ZNF66: variants seen among roughly 807,000 people sequenced by gnomAD.
ZNF66 encodes zinc finger protein 66.
ZNF66 carries 32 observed loss-of-function variants against 35.2 expected under a neutral mutation model. The ratio of observed to expected loss-of-function variants is 0.91; its 90% CI spans 0.69 to 1.22. The LOEUF is 1.22. Among genes scored for constraint, ZNF66 ranks in the 50% most tolerant of loss-of-function variants. The probability of loss-of-function intolerance (pLI) is 0.00; values close to 1 mark genes in which losing one functional copy is unlikely to be tolerated. For synonymous variants in ZNF66, 231 were observed against 181.3 expected, an observed-to-expected ratio of 1.27 and a Z score of -2.20; for missense variants, 666 against 543.1, an observed-to-expected ratio of 1.23 and a Z score of -2.25.
intron 1 of ZNF66, among the ~76,000 whole-genome samples, chr19:20,790,745 T>TA (rs112674673): frequency 0.12 from 14,039 of 121,726 alleles, 655 homozygotes; most frequent in Middle Eastern, 0.13. Context: ...AAGGAGGAGA[T>TA]CAGAAAGAGA....
chr19:20,804,866 A>G (rs1971484518), intron 3 of ZNF66, among the ~76,000 whole-genome samples: 1 of 152,134 alleles, frequency 6.6e-6, no homozygotes, highest in Non-Finnish European at 1.5e-5. Flanking sequence ...ATAATCAGTA[A>G]TCACTTGCTA....
intron 1 of ZNF66, among the ~76,000 whole-genome samples, chr19:20,788,239 C>T (rs1387338215): frequency 6.6e-6 from 1 of 152,102 alleles, no homozygotes; most frequent in Admixed American, 6.5e-5. Flanking sequence ...AGTCATGGTT[C>T]CTACAGTCCA....
chr19:20,806,488 C>T lies in ZNF66; in HGVS notation c.888C>T (p.Tyr296=), dbSNP rs749533356. 4 of 1,516,256 alleles carry T rather than the reference C, an allele frequency of 2.6e-6. No individual in the cohort carries two copies. The highest frequency in any genetic ancestry group is 2.7e-6 in the Non-Finnish European group (3 of 1,092,796). The allele number at this position is 1,516,256 out of a possible 1,614,324, so 93.9% of individuals were successfully genotyped here. Residue 296 remains tyrosine, a synonymous_variant, in exon 4 of 4, where the codon TAC becomes TAT. Transcript: ENST00000344519. ...KCEECGKVFK[Y]LSSLSTHKII... ...AAGAATGTGGCAAAGTTTTTAAGTA[C>T]CTTTCTTCCCTTTCTACACATAAGA... is the stretch of plus-strand genomic sequence containing the variant.
intron 3 of ZNF66, among the ~76,000 whole-genome samples, chr19:20,797,026 T>C (rs572631821): frequency 6.6e-6 from 1 of 152,038 alleles, no homozygotes; most frequent in East Asian, 1.9e-4. Context: ...AATTTTTGTA[T>C]TTTTAGTAGA....
chr19:20,793,880 T>C lies in ZNF66; in HGVS notation c.226+2T>C, dbSNP rs759609856. 4.4e-6 allele frequency: 5 copies of C among 1,148,796 alleles called. No individual in the cohort carries two copies. The highest frequency in any genetic ancestry group is 6.1e-6 in the Non-Finnish European group (5 of 818,492). 71.2% of individuals were successfully genotyped at this position (1,148,796 alleles called of 1,614,324 possible). A position where few individuals can be genotyped will look rare whatever the true frequency, so the allele number is the denominator to read the frequency against. Reference sequence around the variant, plus strand: ...ATGAGATGGTAGCCAACCCCTCAGGTAGGTGTGAGTGAAAATGAATACAAC... The same window carrying C: ...ATGAGATGGTAGCCAACCCCTCAGGCAGGTGTGAGTGAAAATGAATACAAC... On this transcript the variant is annotated splice_donor_variant, in intron 3 of 3. Coordinates refer to ENST00000344519, the MANE Select transcript of ZNF66 (RefSeq NM_001355197.2). LOFTEE classifies it high-confidence loss of function.
rs563557571 is a variant in ZNF66 at position 20,807,448 on chromosome 19, C to T, written c.*126C>T. On this transcript the variant is annotated 3_prime_UTR_variant, in exon 4 of 4. Transcript: ENST00000344519. ...ACTAAATATGAGAATTTATGGAACA[C>T]AAACACTACAAATATAAAGAATGTG... 11 of 542,284 alleles carry T rather than the reference C, an allele frequency of 2.0e-5. No individual in the cohort carries two copies. The highest frequency in any genetic ancestry group is 3.3e-5 in the Non-Finnish European group (10 of 306,754). 33.6% of individuals were successfully genotyped at this position (542,284 alleles called of 1,614,324 possible).
chr19:20,784,570 G>A (rs1302055864), intron 1 of ZNF66: 3 of 152,088 alleles, frequency 2.0e-5, no homozygotes, highest in Admixed American at 1.3e-4. Context: ...TCCACTATAC[G>A]AACACAATCA....
intron 2 of ZNF66, among the ~76,000 whole-genome samples, chr19:20,793,366 T>C (rs1039441319): frequency 7.3e-6 from 1 of 136,404 alleles, no homozygotes; most frequent in African/African-American, 2.7e-5. Flanking sequence ...AGTCTCACTC[T>C]GTTCCCCAGG....
rs1568496804 is a variant in ZNF66 at position 20,793,316 on chromosome 19, TC to T, written c.131-466del. Reference sequence around the variant, plus strand: ...GAAAGTATTTTCTTTTCTTTTCTTTTCTTTTCTTTTCTTTTCTTTTTTTTTT... The same window carrying T: ...GAAAGTATTTTCTTTTCTTTTCTTTTTTTTCTTTTCTTTTCTTTTTTTTTT... On this transcript the variant is annotated intron_variant, in intron 2 of 3. Transcript: ENST00000344519. 6.5e-4 allele frequency among the ~76,000 whole-genome samples: 51 copies of T among 78,202 alleles called. No individual in the cohort carries two copies. The South Asian group carries it at 8.0e-3, about 12-fold the overall frequency. The allele number at this position is 78,202 out of a possible 152,430, so 51.3% of individuals were successfully genotyped here. A position where few individuals can be genotyped will look rare whatever the true frequency, so the allele number is the denominator to read the frequency against.
At chr19:20,799,643 TC>T (rs1971429689) in intron 3 of ZNF66, among the ~76,000 whole-genome samples, 1 of 152,194 alleles carries the variant, frequency 6.6e-6, no homozygotes, top group South Asian at 2.1e-4. Context: ...TAATCCAACT[TC>T]ATTTTATCAG....
At chr19:20,804,387 G>C (rs764566946) in intron 3 of ZNF66, among the ~76,000 whole-genome samples, 22 of 151,986 alleles carry the variant, frequency 1.4e-4, no homozygotes, top group Non-Finnish European at 2.5e-4. Flanking sequence ...GGGATTATAG[G>C]TGCTCACAAC....
rs2144924935 is a variant in ZNF66, at chr19:20,808,102, TG to T, written c.*781del. Among the ~76,000 whole-genome samples the T allele has an allele frequency of 1.7e-5, 2 of 115,360 alleles. No homozygotes were observed. The highest frequency in any genetic ancestry group is 7.5e-5 in the African/African-American group (2 of 26,524). The allele number at this position is 115,360 out of a possible 152,430, so 75.7% of individuals were successfully genotyped here. ...GGGTCCTATGCCCATGGAGTCTCAC[TG>T]ATTGCTAGCACAGCAGTCTGAGATC... On this transcript the variant is annotated 3_prime_UTR_variant, in exon 4 of 4. Coordinates refer to ENST00000344519, the MANE Select transcript of ZNF66 (RefSeq NM_001355197.2).
intron 3 of ZNF66, among the ~76,000 whole-genome samples, chr19:20,802,505 T>A (rs1216941188): frequency 6.6e-6 from 1 of 152,188 alleles, no homozygotes; most frequent in Non-Finnish European, 1.5e-5. Context: ...ATCAATTATT[T>A]ATATTATTGT....
intron 2 of ZNF66, among the ~76,000 whole-genome samples, chr19:20,793,357 G>A (rs1971360176): frequency 1.0e-5 from 1 of 95,346 alleles, no homozygotes. Flanking sequence ...TTGAGACAGA[G>A]TCTCACTCTG....
chr19:20,801,398 C>T (rs1568499567), intron 3 of ZNF66, among the ~76,000 whole-genome samples: 2 of 143,308 alleles, frequency 1.4e-5, no homozygotes, highest in Admixed American at 6.9e-5. Flanking sequence ...GGCTGGAGTG[C>T]AATGGTGCAA....
At chr19:20,780,808 G>T (rs1971238781) in intron 1 of ZNF66, among the ~76,000 whole-genome samples, 1 of 152,134 alleles carries the variant, frequency 6.6e-6, no homozygotes, top group Admixed American at 6.5e-5. Context: ...TTCTCCCAGG[G>T]TGACAGAGGA....
chr19:20,793,955 G>T (rs1486597318), intron 3 of ZNF66, 77 bp downstream of exon 3: 17 of 682,722 alleles, frequency 2.5e-5, no homozygotes, highest in Non-Finnish European at 3.6e-5. Flanking sequence ...AGTCCTTAAG[G>T]TGTGATTCTG....
At chr19:20,799,894 A>T (rs1971432519) in intron 3 of ZNF66, among the ~76,000 whole-genome samples, 1 of 152,236 alleles carries the variant, frequency 6.6e-6, no homozygotes, top group African/African-American at 2.4e-5. Context: ...GAGCAAGAAT[A>T]TGTTGAAGAG....
At chr19:20,777,256 A>C (rs1971203913) in intron 1 of ZNF66, among the ~76,000 whole-genome samples, 1 of 152,056 alleles carries the variant, frequency 6.6e-6, no homozygotes, top group South Asian at 2.1e-4. Flanking sequence ...AAGAAAAGAC[A>C]TTTATAAAAT....
Sources: gnomAD v4.1 joint callset for allele counts (sites outside exome capture counted in the v4.1 genomes callset) on GRCh38, gnomAD v4.1.1 for gene constraint, MANE v1.5 for transcripts, NCBI Gene and HGNC (gene_info 2026-07-23, HGNC 2026-07-21) for gene names.